GRIN2B: variants seen among roughly 807,000 people sequenced by gnomAD.
GRIN2B encodes the protein glutamate receptor ionotropic, NMDA 2B.
In GRIN2B, 5 loss-of-function variants were observed where a neutral mutation model predicts 114.5. That is an observed-to-expected ratio of 0.04 (90% confidence interval 0.02 to 0.09). The LOEUF is 0.09. Among genes scored for constraint, GRIN2B ranks in the 10% least tolerant of loss-of-function variants. The pLI, the probability that GRIN2B is intolerant of heterozygous loss-of-function variation, is 1.00. For missense variants in GRIN2B, 1,108 were observed against 1,943.5 expected, an observed-to-expected ratio of 0.57 and a Z score of 8.08; for synonymous variants, 787 against 745.1, an observed-to-expected ratio of 1.06 and a Z score of -0.92.
intron 4 of GRIN2B, among the ~76,000 whole-genome samples, chr12:13,744,003 G>A (rs866198743): frequency 6.6e-6 from 1 of 152,126 alleles, no homozygotes; most frequent in Non-Finnish European, 1.5e-5. Flanking sequence ...TGTCAGGGGA[G>A]AACTTAACTT....
At chr12:13,565,846 T>C (rs1341833444) in intron 13 of GRIN2B, among the ~76,000 whole-genome samples, 2 of 152,210 alleles carry the variant, frequency 1.3e-5, no homozygotes, top group Non-Finnish European at 2.9e-5. Context: ...AGATGGAAGA[T>C]CTTCAAGGTA....
At chr12:13,587,678 A>G (rs1948948028) in intron 10 of GRIN2B, among the ~76,000 whole-genome samples, 1 of 152,166 alleles carries the variant, frequency 6.6e-6, no homozygotes, top group Admixed American at 6.6e-5. Context: ...AACAACTTCG[A>G]GTTTATGTCG....
chr12:13,822,494 A>G (rs1223133948), intron 3 of GRIN2B, among the ~76,000 whole-genome samples: 1 of 152,166 alleles, frequency 6.6e-6, no homozygotes, highest in Non-Finnish European at 1.5e-5. Context: ...AAAGGTAAAT[A>G]TGATAGAATA....
At chr12:13,669,793 A>G (rs778993789) in intron 5 of GRIN2B, among the ~76,000 whole-genome samples, 1 of 152,140 alleles carries the variant, frequency 6.6e-6, no homozygotes, top group Non-Finnish European at 1.5e-5. Context: ...AAAAGCTTTC[A>G]AGTAATATCA....
At chr12:13,742,078 T>C (rs1407355439) in intron 4 of GRIN2B, among the ~76,000 whole-genome samples, 1 of 152,238 alleles carries the variant, frequency 6.6e-6, no homozygotes, top group African/African-American at 2.4e-5. Flanking sequence ...TCTGACTTTT[T>C]ATACCTAAGA....
intron 4 of GRIN2B, among the ~76,000 whole-genome samples, chr12:13,679,142 C>A (rs1431397919): frequency 6.6e-6 from 1 of 152,048 alleles, no homozygotes; most frequent in East Asian, 1.9e-4. Flanking sequence ...TAAGCATCCA[C>A]CTTGTTATCA....
chr12:13,961,605 A>G (rs1003571119), intron 2 of GRIN2B, among the ~76,000 whole-genome samples: 1 of 152,248 alleles, frequency 6.6e-6, no homozygotes, highest in Non-Finnish European at 1.5e-5. Context: ...CACTTGTTTT[A>G]TTAAAATTAG....
chr12:13,800,018 T>C (rs1864479900), intron 3 of GRIN2B, among the ~76,000 whole-genome samples: 4 of 152,186 alleles, frequency 2.6e-5, no homozygotes, highest in Admixed American at 2.0e-4. Flanking sequence ...TGATGAAAGA[T>C]CAGCACCAGA....
At chr12:13,707,822 A>G (rs897489676) in intron 4 of GRIN2B, among the ~76,000 whole-genome samples, 2 of 152,280 alleles carry the variant, frequency 1.3e-5, no homozygotes, top group South Asian at 4.1e-4. Flanking sequence ...CCTGAAAAGA[A>G]GGAATGAAAG....
At chr12:13,949,363 C>T (rs901546099) in intron 2 of GRIN2B, among the ~76,000 whole-genome samples, 4 of 152,180 alleles carry the variant, frequency 2.6e-5, no homozygotes, top group Admixed American at 2.0e-4. Flanking sequence ...CCTCCAGACC[C>T]TCTGAGATCA....
chr12:13,854,480 A>G (rs1450412195), intron 3 of GRIN2B, among the ~76,000 whole-genome samples: 2 of 152,210 alleles, frequency 1.3e-5, no homozygotes, highest in Admixed American at 6.5e-5. Flanking sequence ...ATTGCACTCC[A>G]GGCTGGGTGA....
At chr12:13,603,331 A>C (rs1443759998) in intron 10 of GRIN2B, among the ~76,000 whole-genome samples, 1 of 152,198 alleles carries the variant, frequency 6.6e-6, no homozygotes, top group Non-Finnish European at 1.5e-5. Flanking sequence ...TTGATTGATA[A>C]GGTAGATAGG....
At chr12:13,651,034 C>T (rs930885504) in intron 5 of GRIN2B, among the ~76,000 whole-genome samples, 1 of 152,072 alleles carries the variant, frequency 6.6e-6, no homozygotes, top group Non-Finnish European at 1.5e-5. Flanking sequence ...TGCTCTTCTA[C>T]CTTGCAAATC....
chr12:13,773,952 G>A lies in GRIN2B; in HGVS notation c.412-20037C>T, dbSNP rs557791898. Reference sequence around the variant, plus strand: ...AGCAAATGAACTAACTTAAAATATCGCAAGCCTAAGACAAACCAGAAAAAT... The same window carrying A: ...AGCAAATGAACTAACTTAAAATATCACAAGCCTAAGACAAACCAGAAAAAT... On this transcript the variant is annotated intron_variant, in intron 3 of 13. Transcript: ENST00000609686. Among the ~76,000 whole-genome samples the A allele has an allele frequency of 7.9e-5, 12 of 152,210 alleles. No homozygotes were observed. In the South Asian group the frequency reaches 8.3e-4, roughly 11 times the overall value.
intron 2 of GRIN2B, among the ~76,000 whole-genome samples, chr12:13,956,586 G>C (rs1808044353): frequency 6.6e-6 from 1 of 152,062 alleles, no homozygotes. Context: ...TGTTCGTTCC[G>C]TATGGACTCT....
chr12:13,547,677 A>G lies in GRIN2B; in HGVS notation c.*15106T>C, dbSNP rs1371311043. ...TAGGAGAAGCAGCTCTTTTCCATCCAAAGGTGAACAGAAGACTCTGCAGAG... is the reference window on the plus strand; with the variant it reads ...TAGGAGAAGCAGCTCTTTTCCATCCGAAGGTGAACAGAAGACTCTGCAGAG... On this transcript the variant is annotated 3_prime_UTR_variant, in exon 14 of 14. Transcript: ENST00000609686. 1.3e-5 allele frequency: 2 copies of G among 152,120 alleles called. No homozygotes were observed. Among genetic ancestry groups the G allele is most frequent in the Non-Finnish European group, 2.9e-5 (2 of 68,024 alleles). The allele number at this position is 152,120 out of a possible 1,614,324, so 9.4% of individuals were successfully genotyped here.
chr12:13,611,241 G>A (rs1016142832), intron 9 of GRIN2B, among the ~76,000 whole-genome samples: 14 of 152,074 alleles, frequency 9.2e-5, no homozygotes, highest in Non-Finnish European at 1.5e-4. Context: ...TTGAACCAGG[G>A]GCATATGCTT....
At chr12:13,633,520 G>A (rs1252579020) in intron 5 of GRIN2B, among the ~76,000 whole-genome samples, 3 of 152,328 alleles carry the variant, frequency 2.0e-5, no homozygotes, top group South Asian at 4.1e-4. Context: ...CAAGGATGCA[G>A]GGTAAAACTC....
intron 3 of GRIN2B, among the ~76,000 whole-genome samples, chr12:13,793,113 T>G (rs564331414): frequency 6.6e-6 from 1 of 152,312 alleles, no homozygotes; most frequent in South Asian, 2.1e-4. Flanking sequence ...CTGGATAAAG[T>G]TATTCAACTC....
Sources: gnomAD v4.1 joint callset for allele counts (sites outside exome capture counted in the v4.1 genomes callset) on GRCh38, gnomAD v4.1.1 for gene constraint, MANE v1.5 for transcripts, NCBI Gene and HGNC (gene_info 2026-07-23, HGNC 2026-07-21) for gene names.